KCNJ15: variants seen among roughly 807,000 people sequenced by gnomAD.
The protein encoded by KCNJ15 is ATP-sensitive inward rectifier potassium channel 15.
A neutral mutation model predicts 23.0 loss-of-function variants in KCNJ15; 14 were observed. That is an observed-to-expected ratio of 0.61 (90% CI 0.40 to 0.95). The LOEUF (loss-of-function observed/expected upper bound fraction) is 0.95. KCNJ15 is among the 40% of genes least tolerant of loss of function. The probability of loss-of-function intolerance (pLI) is 0.00; values close to 1 mark genes in which losing one functional copy is unlikely to be tolerated. For synonymous variants in KCNJ15, 185 were observed against 183.2 expected (o/e 1.01, Z -0.08); for missense variants, 388 against 461.8 (o/e 0.84, Z 1.46).
chr21:38,291,154 C>T (rs757924837), intron 1 of KCNJ15, among the ~76,000 whole-genome samples: 12 of 152,124 alleles, frequency 7.9e-5, no homozygotes, highest in Non-Finnish European at 1.3e-4. Context: ...GCTTCAGCTC[C>T]AGTAGGCAAA....
At chr21:38,243,885 A>G (rs571523622) in intron 1 of KCNJ15, among the ~76,000 whole-genome samples, 4 of 152,256 alleles carry the variant, frequency 2.6e-5, no homozygotes, top group Non-Finnish European at 5.9e-5. Flanking sequence ...CTGGCCCAGC[A>G]CTAGACGGTT....
chr21:38,277,757 A>C (rs937829752), intron 1 of KCNJ15, among the ~76,000 whole-genome samples: 2 of 152,196 alleles, frequency 1.3e-5, no homozygotes, highest in Admixed American at 6.5e-5. Flanking sequence ...CACTCTCAAA[A>C]AGCAATTTAG....
chr21:38,238,153 G>A (rs1035011850), intron 1 of KCNJ15: 3 of 392,058 alleles, frequency 7.7e-6, no homozygotes, highest in East Asian at 6.1e-5. Context: ...AGTTCTACAC[G>A]GCCCTGCAGG....
At chr21:38,268,550 G>GGAA (rs758290326) in intron 1 of KCNJ15, among the ~76,000 whole-genome samples, 1 of 47,234 alleles carries the variant, frequency 2.1e-5, no homozygotes, top group Non-Finnish European at 5.1e-5. Flanking sequence ...CTTAAAATCT[G>GGAA]AAAAAAAAAA....
intron 1 of KCNJ15, among the ~76,000 whole-genome samples, chr21:38,288,147 T>C (rs1309211727): frequency 6.9e-6 from 1 of 145,978 alleles, no homozygotes; most frequent in African/African-American, 2.5e-5. Context: ...TTCACGCCAT[T>C]CTCCTGCCTC....
chr21:38,295,531 C>T (rs1469712114), intron 1 of KCNJ15, among the ~76,000 whole-genome samples: 8 of 150,498 alleles, frequency 5.3e-5, no homozygotes, highest in African/African-American at 2.0e-4. Flanking sequence ...TAAGTGAGTA[C>T]TGGTGGCAAG....
intron 1 of KCNJ15, among the ~76,000 whole-genome samples, chr21:38,231,270 G>A (rs542601420): frequency 1.4e-4 from 21 of 151,952 alleles, no homozygotes; most frequent in Non-Finnish European, 1.8e-4. Flanking sequence ...CTATAACAAT[G>A]CAATTAATTT....
intron 1 of KCNJ15, among the ~76,000 whole-genome samples, chr21:38,267,673 G>T (rs996270868): frequency 2.6e-5 from 4 of 152,146 alleles, no homozygotes; most frequent in Non-Finnish European, 5.9e-5. Flanking sequence ...GAATAGGAAG[G>T]CTTGGTAGCA....
At chr21:38,238,603 T>A in intron 1 of KCNJ15, 1 of 610,848 alleles carries the variant, frequency 1.6e-6, no homozygotes, top group Non-Finnish European at 3.1e-6. Context: ...CCAGTCCTTG[T>A]GACTCGTGAA....
chr21:38,261,604 G>C (rs916156942), intron 1 of KCNJ15, among the ~76,000 whole-genome samples: 3 of 152,028 alleles, frequency 2.0e-5, no homozygotes, highest in Non-Finnish European at 4.4e-5. Flanking sequence ...TTGTTTCATT[G>C]GCACCTTGCC....
At chr21:38,266,470 A>T (rs1568996181) in intron 1 of KCNJ15, among the ~76,000 whole-genome samples, 1 of 151,890 alleles carries the variant, frequency 6.6e-6, no homozygotes, top group Non-Finnish European at 1.5e-5. Context: ...ACATGAACTT[A>T]TTTTTTTTAT....
At chr21:38,271,996 C>A (rs1415953774) in intron 1 of KCNJ15, among the ~76,000 whole-genome samples, 2 of 152,134 alleles carry the variant, frequency 1.3e-5, no homozygotes, top group African/African-American at 4.8e-5. Context: ...AGCATGGGAC[C>A]ATGACAGTTT....
intron 1 of KCNJ15, among the ~76,000 whole-genome samples, chr21:38,286,462 C>T (rs976817401): frequency 6.6e-6 from 1 of 152,170 alleles, no homozygotes. Flanking sequence ...GTTCCAATCA[C>T]GTGAGCACCA....
intron 1 of KCNJ15, among the ~76,000 whole-genome samples, chr21:38,251,054 G>C (rs1339606569): frequency 6.6e-6 from 1 of 152,080 alleles, no homozygotes; most frequent in Non-Finnish European, 1.5e-5. Context: ...AGAGGTGGGG[G>C]GTAATACAAG....
At chr21:38,293,248 A>C (rs538477027) in intron 1 of KCNJ15, among the ~76,000 whole-genome samples, 3 of 152,142 alleles carry the variant, frequency 2.0e-5, no homozygotes, top group Non-Finnish European at 4.4e-5. Context: ...AGGAAGGAAC[A>C]GCCCAATCCA....
rs750853381 is a variant in KCNJ15, at chr21:38,299,675, A to C, written c.414A>C (p.Glu138Asp). The C allele has an allele frequency of 1.2e-6, 2 of 1,614,160 alleles. No individual in the cohort carries two copies. Among genetic ancestry groups the C allele is most frequent in the Non-Finnish European group, 1.7e-6 (2 of 1,180,020 alleles). ...ATGGAGTCCGTTCCATCACAGAGGA[A>C]TGTCCTCATGCCATCTTCCTGTTGG... is the stretch of plus-strand genomic sequence containing the variant. ...IGYGVRSITEECPHAIFLLVA... is the reference protein window; with the variant it reads ...IGYGVRSITEDCPHAIFLLVA... Residue 138 changes from glutamate to aspartate, a missense_variant, in exon 3 of 3, where the codon GAA becomes GAC. Coordinates refer to ENST00000398938, the MANE Select transcript of KCNJ15 (RefSeq NM_170736.3). This position sits in a 1 kb window ranked among gnomAD's most constrained non-coding sequence, Gnocchi z 4.5.
rs765684100 is a variant in KCNJ15 at position 38,300,911 on chromosome 21, C to G, written c.*522C>G. The G allele has an allele frequency of 6.0e-6, 1 of 167,140 alleles. No homozygotes were observed. Among genetic ancestry groups the G allele is most frequent in the Admixed American group, 6.5e-5 (1 of 15,314 alleles). 10.4% of individuals were successfully genotyped at this position (167,140 alleles called of 1,614,324 possible). ...TAATACCTAAAAAGAGGTAGAGAGA[C>G]TCTATGTTCACAAAATATAGTAATT... On this transcript the variant is annotated 3_prime_UTR_variant, in exon 3 of 3. Transcript: ENST00000398938.
At chr21:38,238,481 G>T in intron 1 of KCNJ15, 1 of 654,764 alleles carries the variant, frequency 1.5e-6, no homozygotes, top group Non-Finnish European at 2.9e-6. Context: ...ATGGTGATCT[G>T]CCTGAGGGTC....
intron 1 of KCNJ15, among the ~76,000 whole-genome samples, chr21:38,238,912 C>G (rs1978807290): frequency 6.6e-6 from 1 of 152,190 alleles, no homozygotes; most frequent in Admixed American, 6.5e-5. Context: ...TCAGATGTTG[C>G]TCCCTGCTTA....
Sources: gnomAD v4.1 joint callset for allele counts (sites outside exome capture counted in the v4.1 genomes callset) on GRCh38, gnomAD v4.1.1 for gene constraint, Gnocchi (gnomAD v3.1) non-coding constraint, MANE v1.5 for transcripts, NCBI Gene and HGNC (gene_info 2026-07-23, HGNC 2026-07-21) for gene names.